TRPC1: variants seen among roughly 807,000 people sequenced by gnomAD.
The protein encoded by TRPC1 is short transient receptor potential channel 1.
A neutral mutation model predicts 88.2 loss-of-function variants in TRPC1; 42 were observed. That is an observed-to-expected ratio of 0.48 (90% CI 0.37 to 0.62). The LOEUF is 0.62. TRPC1 is among the 20% of genes least tolerant of loss of function. The pLI is 0.00. For synonymous variants in TRPC1, 288 were observed against 331.8 expected (o/e 0.87, Z 1.43); for missense variants, 699 against 957.3 (o/e 0.73, Z 3.56).
At chr3:142,727,171 CTG>C (rs1933713326) in intron 1 of TRPC1, among the ~76,000 whole-genome samples, 1 of 152,130 alleles carries the variant, frequency 6.6e-6, no homozygotes, top group Non-Finnish European at 1.5e-5. Flanking sequence ...ACCTTGATTT[CTG>C]TGTATTACAT....
rs1234542626 is a variant in TRPC1 at position 142,724,941 on chromosome 3, G to A, written c.172+210G>A. The stretch of plus-strand genomic sequence containing the variant: ...AGAGTGGAGCTGGGGCTGCGCCCTC[G>A]GAGCGCTGCACCGTCGGGGGTGGCT... On this transcript the variant is annotated intron_variant, in intron 1 of 12. Transcript: ENST00000476941. The surrounding 1 kb of genome is among the most constrained non-coding windows in gnomAD (Gnocchi z 5.6). Among the ~76,000 whole-genome samples, 1 of 152,186 alleles carries A rather than the reference G, an allele frequency of 6.6e-6. No individual in the cohort carries two copies. The highest frequency in any genetic ancestry group is 2.4e-5 in the African/African-American group (1 of 41,452).
At chr3:142,742,162 C>A (rs898776677) in intron 2 of TRPC1, among the ~76,000 whole-genome samples, 550 of 129,570 alleles carry the variant, frequency 4.2e-3, no homozygotes, top group African/African-American at 4.7e-3. Flanking sequence ...GACTCTGTCT[C>A]AAAAAAAAAA....
intron 4 of TRPC1, among the ~76,000 whole-genome samples, chr3:142,759,574 C>T (rs1935107012): frequency 1.3e-5 from 2 of 152,018 alleles, no homozygotes; most frequent in Admixed American, 6.6e-5. Flanking sequence ...GGATATTAGC[C>T]CTTTGTCAGA....
At chr3:142,747,348 AAAAGT>A (rs973935097) in intron 3 of TRPC1, among the ~76,000 whole-genome samples, 2 of 152,220 alleles carry the variant, frequency 1.3e-5, no homozygotes, top group Non-Finnish European at 2.9e-5. Flanking sequence ...ATTGCAAAAA[AAAAGT>A]AAGTATTAGA....
At chr3:142,799,540 A>G (rs1458364215) in intron 9 of TRPC1, among the ~76,000 whole-genome samples, 2 of 152,066 alleles carry the variant, frequency 1.3e-5, no homozygotes, top group African/African-American at 4.8e-5. Flanking sequence ...GCATGGTGGA[A>G]CACACTTCTA....
chr3:142,791,257 C>T (rs1936287372), intron 8 of TRPC1, 99 bp downstream of exon 8: 3 of 1,080,762 alleles, frequency 2.8e-6, no homozygotes, highest in Non-Finnish European at 3.9e-6. Flanking sequence ...TGAGCCAGAT[C>T]AGTGTCTGGT....
At chr3:142,795,725 C>A (rs1289188425) in intron 9 of TRPC1, among the ~76,000 whole-genome samples, 1 of 152,034 alleles carries the variant, frequency 6.6e-6, no homozygotes, top group African/African-American at 2.4e-5. Context: ...AATAGAAGTC[C>A]TTCAGGTGGA....
At chr3:142,752,356 T>C (rs1316752035) in intron 4 of TRPC1, among the ~76,000 whole-genome samples, 1 of 152,300 alleles carries the variant, frequency 6.6e-6, no homozygotes, top group Non-Finnish European at 1.5e-5. Context: ...GAAAGTACTA[T>C]GCCTGGACGT....
chr3:142,787,809 G>T (rs897291431), intron 7 of TRPC1, among the ~76,000 whole-genome samples: 2 of 152,216 alleles, frequency 1.3e-5, no homozygotes, highest in South Asian at 2.1e-4. Context: ...AGGGGCATTT[G>T]CCCTAGTCAG....
intron 4 of TRPC1, among the ~76,000 whole-genome samples, chr3:142,754,674 C>T (rs1367786524): frequency 6.6e-6 from 1 of 152,112 alleles, no homozygotes; most frequent in African/African-American, 2.4e-5. Context: ...CCAACATCAC[C>T]CCTGAAGGCA....
intron 4 of TRPC1, among the ~76,000 whole-genome samples, chr3:142,762,227 G>A (rs1935204847): frequency 6.6e-6 from 1 of 151,942 alleles, no homozygotes; most frequent in South Asian, 2.1e-4. Flanking sequence ...GTAGAGATGG[G>A]GTTTCACCAT....
Position 142,736,475 on chromosome 3 carries a change from T to C in TRPC1, c.269T>C (p.Ile90Thr), listed in dbSNP as rs747520219. 1.9e-6 allele frequency: 3 copies of C among 1,612,612 alleles called. No homozygotes were observed. The Admixed American group carries it at 5.0e-5, about 27-fold the overall frequency. Residue 90 changes from isoleucine to threonine, a missense_variant, in exon 2 of 13, where the codon ATA (isoleucine) becomes ACA (threonine). Around this residue, in one of 4 missense-constraint regions of TRPC1, gnomAD observed 157 missense variants for 127.0 expected, o/e 1.24. Transcript: ENST00000476941. ...GTGCTTGGGAGAAATGCTGTTACCA[T>C]AACTATTGAAAACGAAAACTTGGAT... The part of the protein sequence containing the change: ...VDVLGRNAVT[I>T]TIENENLDIL...
chr3:142,725,146 C>T (rs1425209557), intron 1 of TRPC1, among the ~76,000 whole-genome samples: 2 of 152,208 alleles, frequency 1.3e-5, no homozygotes, highest in Non-Finnish European at 2.9e-5. Flanking sequence ...GTCACCTTAC[C>T]TTAGGATGCC....
chr3:142,787,438 T>G (rs1936167901), intron 7 of TRPC1, among the ~76,000 whole-genome samples: 1 of 152,180 alleles, frequency 6.6e-6, no homozygotes, highest in Non-Finnish European at 1.5e-5. Context: ...TTGTTTTGTT[T>G]GCTTTCATTA....
At chr3:142,757,438 A>C (rs2061570404) in intron 4 of TRPC1, among the ~76,000 whole-genome samples, 1 of 152,184 alleles carries the variant, frequency 6.6e-6, no homozygotes, top group African/African-American at 2.4e-5. Flanking sequence ...GATAAAGAAA[A>C]TGTGGCACAT....
intron 4 of TRPC1, among the ~76,000 whole-genome samples, chr3:142,775,069 AT>A (rs1460613541): frequency 1.3e-5 from 2 of 152,108 alleles, no homozygotes; most frequent in African/African-American, 2.4e-5. Flanking sequence ...ATTACATATT[AT>A]TTTTTTCTCA....
intron 9 of TRPC1, chr3:142,793,738 T>TA: frequency 3.5e-6 from 2 of 564,940 alleles, no homozygotes; most frequent in Non-Finnish European, 4.5e-6. Context: ...ATCTGAACAA[T>TA]ATTCATTTTT....
chr3:142,763,705 CA>C (rs1032743456), intron 4 of TRPC1, among the ~76,000 whole-genome samples: 6 of 152,012 alleles, frequency 3.9e-5, no homozygotes, highest in African/African-American at 1.4e-4. Context: ...GGACTTACTG[CA>C]ACCATTTTAT....
At chr3:142,795,417 G>T (rs73232711) in intron 9 of TRPC1, among the ~76,000 whole-genome samples, 32,487 of 151,778 alleles carry the variant, frequency 0.21, 3,565 homozygotes, top group East Asian at 0.33. Context: ...ATCATATTCA[G>T]TGTATCACTG....
Sources: gnomAD v4.1 joint callset for allele counts (sites outside exome capture counted in the v4.1 genomes callset) on GRCh38, gnomAD v4.1.1 for gene constraint, gnomAD v4.1.1 regional missense constraint, Gnocchi (gnomAD v3.1) non-coding constraint, MANE v1.5 for transcripts, NCBI Gene and HGNC (gene_info 2026-07-23, HGNC 2026-07-21) for gene names.